Variants in GALC observed in about 807,000 individuals in gnomAD.
GALC encodes the protein galactosylceramidase.
In GALC, 77 loss-of-function variants were observed where a neutral mutation model predicts 91.8. That is an observed-to-expected ratio of 0.84 (90% CI 0.70 to 1.01). The LOEUF is 1.01. GALC is among the 50% of genes least tolerant of loss of function. The pLI is 0.00. For missense variants in GALC, 882 were observed against 855.9 expected, an observed-to-expected ratio of 1.03 and a Z score of -0.38; for synonymous variants, 357 against 306.7, an observed-to-expected ratio of 1.16 and a Z score of -1.71.
At chr14:87,956,923 A>T (rs1885581378) in intron 10 of GALC, among the ~76,000 whole-genome samples, 1 of 148,660 alleles carries the variant, frequency 6.7e-6, no homozygotes, top group Non-Finnish European at 1.5e-5. Flanking sequence ...GTATGCCAAC[A>T]TCTATTGTTT....
intron 7 of GALC, among the ~76,000 whole-genome samples, chr14:87,968,747 T>A (rs1886160585): frequency 6.6e-6 from 1 of 152,080 alleles, no homozygotes; most frequent in African/African-American, 2.4e-5. Flanking sequence ...AGGAAAATCA[T>A]CAATAGATAA....
intron 8 of GALC, among the ~76,000 whole-genome samples, chr14:87,967,442 A>T (rs538007122): frequency 3.9e-5 from 6 of 152,306 alleles, no homozygotes; most frequent in African/African-American, 1.4e-4. Context: ...TTTCTTTCAC[A>T]AAGAGAAGAA....
chr14:87,972,605 G>A (rs1595222622), intron 7 of GALC, among the ~76,000 whole-genome samples: 1 of 152,110 alleles, frequency 6.6e-6, no homozygotes, highest in East Asian at 1.9e-4. Context: ...AGCAATATAG[G>A]AAATTAAAAT....
Position 87,933,599 on chromosome 14 carries a change from ACT to A in GALC, c.*1131_*1132del, listed in dbSNP as rs1884450952. The A allele has an allele frequency of 1.1e-5, 2 of 174,532 alleles. No homozygotes were observed. The highest frequency in any genetic ancestry group is 2.4e-5 in the Non-Finnish European group (2 of 83,100). 10.8% of individuals were successfully genotyped at this position (174,532 alleles called of 1,614,324 possible). ...TTCACTGTAGCTAAGCCTATGTTAG[ACT>A]CTTACAAATTCCTAAATAGTAGAAT... On this transcript the variant is annotated 3_prime_UTR_variant, in exon 17 of 17. Transcript: ENST00000261304.
intron 7 of GALC, among the ~76,000 whole-genome samples, chr14:87,974,026 G>A (rs1462955137): frequency 6.6e-6 from 1 of 152,068 alleles, no homozygotes; most frequent in Non-Finnish European, 1.5e-5. Flanking sequence ...AAATCACATA[G>A]CAGAATAGCT....
At chr14:87,993,522 C>T, upstream of GALC, 1 of 1,506,344 alleles carries the variant, frequency 6.6e-7, no homozygotes, top group Admixed American at 2.0e-5. Flanking sequence ...CTACCTCGTG[C>T]GAGGACCAGG....
At chr14:87,985,912 G>A (rs1362526920) in intron 4 of GALC, among the ~76,000 whole-genome samples, 4 of 152,142 alleles carry the variant, frequency 2.6e-5, no homozygotes, top group Non-Finnish European at 4.4e-5. Flanking sequence ...AATTGGGGAC[G>A]GGATTGGCTT....
intron 10 of GALC, chr14:87,953,775 A>C: frequency 1.2e-6 from 2 of 1,604,968 alleles, no homozygotes; most frequent in Non-Finnish European, 1.7e-6. Context: ...GTATTAAAAA[A>C]AGTCATTAAT....
chr14:87,992,440 T>C, intron 1 of GALC: 1 of 1,535,184 alleles, frequency 6.5e-7, no homozygotes, highest in East Asian at 2.4e-5. Flanking sequence ...GGCGCTACCC[T>C]CTCTGGAGGA....
chr14:87,938,904 T>C (rs1197939812), intron 16 of GALC, among the ~76,000 whole-genome samples: 1 of 151,842 alleles, frequency 6.6e-6, no homozygotes, highest in Non-Finnish European at 1.5e-5. Context: ...TGGGTTACTA[T>C]CCAGAATACA....
rs1016296781 is a variant in GALC at position 87,971,969 on chromosome 14, C to T, written c.753-3479G>A. The stretch of plus-strand genomic sequence containing the variant: ...TAAGAAGAATGGGGCCCAGCAGAAA[C>T]AGACCCTAGAAAGTACTGTAACTGT... On this transcript the variant is annotated intron_variant, in intron 7 of 16. Coordinates refer to ENST00000261304, the MANE Select transcript of GALC (RefSeq NM_000153.4). 3.9e-5 allele frequency among the ~76,000 whole-genome samples: 6 copies of T among 152,180 alleles called. No homozygotes were observed. The East Asian group carries it at 1.2e-3, about 29-fold the overall frequency.
intron 13 of GALC, 51 bp downstream of exon 13, chr14:87,947,677 C>T (rs752939005): frequency 1.3e-6 from 2 of 1,552,506 alleles, no homozygotes; most frequent in Non-Finnish European, 1.8e-6. Context: ...GAAATCAACA[C>T]ACTACTGTTA....
In GALC at chr14:87,978,825, C is replaced by CA. The variant is rs575209127; in HGVS notation, c.622-2338dup. ...CACGATAAATCTTACATATCAGTAG[C>CA]AAAAAAAAAAAAAAACTTCAAAGAA... On this transcript the variant is annotated intron_variant, in intron 6 of 16. Coordinates refer to ENST00000261304, the MANE Select transcript of GALC (RefSeq NM_000153.4). Among the ~76,000 whole-genome samples the CA allele has an allele frequency of 8.2e-3, 922 of 112,148 alleles. 8 individuals carry two copies. Among genetic ancestry groups the CA allele is most frequent in the South Asian group, 0.053 (185 of 3,488 alleles). 73.6% of individuals were successfully genotyped at this position (112,148 alleles called of 152,430 possible).
chr14:87,953,019 G>A, intron 10 of GALC: 1 of 1,171,676 alleles, frequency 8.5e-7, no homozygotes, highest in East Asian at 2.4e-5. Context: ...AGCTATGTTG[G>A]ATTTGGTTTG....
chr14:87,988,000 TA>T, intron 3 of GALC, 143 bp downstream of exon 3: 1 of 674,962 alleles, frequency 1.5e-6, no homozygotes, highest in Non-Finnish European at 2.6e-6. Flanking sequence ...TAATTACAGT[TA>T]AAAAATGAGG....
chr14:87,984,671 T>C (rs999009221), intron 4 of GALC, 138 bp from the exon 5 acceptor site: 3 of 772,878 alleles, frequency 3.9e-6, no homozygotes, highest in East Asian at 2.7e-5. Flanking sequence ...AAAGTTTATA[T>C]ACCATATAAA....
In GALC at chr14:87,984,532, C is replaced by A. The variant is rs775194294; in HGVS notation, c.444G>T (p.Gly148=). ...KKRNPNITLI[G]LPWSFPGWLG... ...GCCATCCAGGGAATGACCATGGCAA[C>A]CCTGCAGAGAGAAGGGAGGAGGCAA... Residue 148 remains glycine (G), a splice_region_variant and synonymous_variant, in exon 5 of 17, where the codon GGG becomes GGT. Coordinates refer to ENST00000261304, the MANE Select transcript of GALC (RefSeq NM_000153.4). 1.2e-6 allele frequency: 2 copies of A among 1,614,072 alleles called. No individual in the cohort carries two copies. Among genetic ancestry groups the A allele is most frequent in the Admixed American group, 1.7e-5 (1 of 60,014 alleles).
intron 10 of GALC, among the ~76,000 whole-genome samples, chr14:87,958,348 A>C (rs1450900388): frequency 6.6e-6 from 1 of 152,158 alleles, no homozygotes; most frequent in Non-Finnish European, 1.5e-5. Context: ...GGTAAGCCCC[A>C]GAATAATCAC....
chr14:87,971,457 T>C (rs1886290150), intron 7 of GALC, among the ~76,000 whole-genome samples: 2 of 152,142 alleles, frequency 1.3e-5, no homozygotes, highest in African/African-American at 2.4e-5. Flanking sequence ...GGTAGAAATA[T>C]GATATGAACC....
Sources: allele counts gnomAD v4.1 joint callset (sites outside exome capture counted in the v4.1 genomes callset), GRCh38; gene constraint gnomAD v4.1.1; transcripts MANE v1.5; gene names NCBI Gene and HGNC (gene_info 2026-07-23, HGNC 2026-07-21).